The following TBC1D30 variants were observed in gnomAD, a reference collection of about 807,000 sequenced individuals.
TBC1D30 encodes TBC1 domain family member 30, also known as TBC1 domain family, member 30.
A neutral mutation model predicts 63.2 loss-of-function variants in TBC1D30; 31 were observed. That is an observed-to-expected ratio of 0.49 (90% CI 0.37 to 0.66). The LOEUF (loss-of-function observed/expected upper bound fraction) is 0.66. TBC1D30 is among the 30% of genes least tolerant of loss of function. The pLI, the probability that TBC1D30 is intolerant of heterozygous loss-of-function variation, is 0.00. For missense variants in TBC1D30, 810 were observed against 953.6 expected (o/e 0.85, Z 1.98); for synonymous variants, 307 against 361.5 (o/e 0.85, Z 1.71).
At chr12:64,776,841 T>C (rs947213167), upstream of TBC1D30, among the ~76,000 whole-genome samples, 3 of 152,314 alleles carry the variant, frequency 2.0e-5, no homozygotes, top group Middle Eastern at 3.4e-3. Flanking sequence ...TTGGTGAACA[T>C]TGATGCAAAA....
chr12:64,783,907 C>T (rs1280849083), intron 1 of TBC1D30, among the ~76,000 whole-genome samples: 1 of 20,652 alleles, frequency 4.8e-5, no homozygotes, highest in Non-Finnish European at 1.1e-4. Context: ...ATCTGCCTGC[C>T]TCGGCCCCCT....
chr12:64,763,668 G>C (rs1324607945), intron 1 of TBC1D30, among the ~76,000 whole-genome samples: 1 of 150,660 alleles, frequency 6.6e-6, no homozygotes, highest in South Asian at 2.1e-4. Context: ...GAGTGCAGTG[G>C]CATGATCTCG....
At chr12:64,789,896 CA>C (rs1871825666) in intron 2 of TBC1D30, among the ~76,000 whole-genome samples, 1 of 152,124 alleles carries the variant, frequency 6.6e-6, no homozygotes, top group African/African-American at 2.4e-5. Context: ...TGCTTTATGC[CA>C]AACTTGCTTT....
upstream of TBC1D30, chr12:64,824,629 C>T (rs376675014): frequency 5.0e-6 from 2 of 400,392 alleles, no homozygotes; most frequent in South Asian, 8.7e-5. Context: ...CTCCCCGCCT[C>T]GAGCGATCTC....
At chr12:64,759,535 G>A in exon 1 of TBC1D30, 2 of 479,540 alleles carry the variant, frequency 4.2e-6, no homozygotes, top group African/African-American at 2.0e-5. Flanking sequence ...GGCAGTGGCG[G>A]AAAAGGGGCG....
exon 1 of TBC1D30, chr12:64,781,156 C>T: frequency 4.9e-6 from 5 of 1,021,668 alleles, no homozygotes; most frequent in Non-Finnish European, 5.9e-6. Context: ...ACAGCCTCGA[C>T]AGCTCCACCG....
intron 1 of TBC1D30, 86 bp from the exon 2 acceptor site, chr12:64,827,749 C>A: frequency 1.1e-6 from 1 of 949,334 alleles, no homozygotes; most frequent in Non-Finnish European, 1.5e-6. Context: ...TGTGATGATT[C>A]AGTAGAATCA....
At chr12:64,797,647 C>T (rs951489718) in intron 2 of TBC1D30, among the ~76,000 whole-genome samples, 5 of 152,216 alleles carry the variant, frequency 3.3e-5, no homozygotes, top group African/African-American at 1.2e-4. Context: ...CATACTCTCT[C>T]TCTCTTTCCC....
At chr12:64,775,982 C>G (rs1871067322), upstream of TBC1D30, among the ~76,000 whole-genome samples, 1 of 152,198 alleles carries the variant, frequency 6.6e-6, no homozygotes, top group South Asian at 2.1e-4. Context: ...TCATTCAAAA[C>G]TGTACAATTA....
At chr12:64,856,991 GTGGGCTC>G (rs1175550690) in intron 8 of TBC1D30, among the ~76,000 whole-genome samples, 1 of 152,092 alleles carries the variant, frequency 6.6e-6, no homozygotes, top group Non-Finnish European at 1.5e-5. Context: ...CTTCAGGGCA[GTGGGCTC>G]CCCACTGCCC....
intron 1 of TBC1D30, among the ~76,000 whole-genome samples, chr12:64,760,611 T>C (rs1870467072): frequency 6.6e-6 from 1 of 151,892 alleles, no homozygotes; most frequent in South Asian, 2.1e-4. Context: ...AACTGTCAAG[T>C]CACATCCCCA....
At chr12:64,850,997 AG>A (rs1230651547) in intron 8 of TBC1D30, among the ~76,000 whole-genome samples, 1 of 152,086 alleles carries the variant, frequency 6.6e-6, no homozygotes, top group Non-Finnish European at 1.5e-5. Context: ...GTTTAGACTT[AG>A]GAGGGTGTAT....
chr12:64,855,304 G>A (rs1462377092), intron 8 of TBC1D30, among the ~76,000 whole-genome samples: 1 of 152,044 alleles, frequency 6.6e-6, no homozygotes, highest in Non-Finnish European at 1.5e-5. Context: ...CCTTGAGGGA[G>A]TCTTCTTTGG....
intron 1 of TBC1D30, among the ~76,000 whole-genome samples, chr12:64,772,345 A>G (rs573490408): frequency 1.3e-5 from 2 of 152,256 alleles, no homozygotes; most frequent in South Asian, 2.1e-4. Context: ...CTAGACAACC[A>G]ATTAGACAAA....
intron 5 of TBC1D30, among the ~76,000 whole-genome samples, chr12:64,833,231 C>T (rs1875028271): frequency 6.6e-6 from 1 of 152,174 alleles, no homozygotes. Context: ...ATGGAATTGA[C>T]TTACATTAAT....
chr12:64,848,870 A>T (rs961213870), intron 8 of TBC1D30, among the ~76,000 whole-genome samples: 2 of 152,216 alleles, frequency 1.3e-5, no homozygotes, highest in African/African-American at 2.4e-5. Flanking sequence ...ACAATGGTTG[A>T]ACTAATTTAC....
intron 8 of TBC1D30, among the ~76,000 whole-genome samples, chr12:64,857,342 AG>A (rs1348386658): frequency 6.6e-6 from 1 of 152,030 alleles, no homozygotes; most frequent in Non-Finnish European, 1.5e-5. Flanking sequence ...CCTTTAAGGC[AG>A]GGGTTCTCTT....
At chr12:64,781,021 C>T in exon 1 of TBC1D30, 3 of 1,032,440 alleles carry the variant, frequency 2.9e-6, no homozygotes, top group African/African-American at 3.5e-5. Flanking sequence ...GCGAGGCGTG[C>T]GGCGGCCGCA....
chr12:64,766,188 G>A (rs755886843), intron 1 of TBC1D30, among the ~76,000 whole-genome samples: 25 of 152,088 alleles, frequency 1.6e-4, no homozygotes, highest in Non-Finnish European at 2.9e-4. Flanking sequence ...ATAAAAATGA[G>A]CAGGGCCCTT....
Sources: allele counts gnomAD v4.1 joint callset (sites outside exome capture counted in the v4.1 genomes callset), GRCh38; gene constraint gnomAD v4.1.1; transcripts MANE v1.5; gene names NCBI Gene and HGNC (gene_info 2026-07-23, HGNC 2026-07-21).